Variants in OCA2 observed in about 807,000 individuals in gnomAD.
The protein encoded by OCA2 is OCA2 melanosomal transmembrane protein.
OCA2 carries 77 observed loss-of-function variants against 100.2 expected under a neutral mutation model. The ratio of observed to expected loss-of-function variants is 0.77; its 90% confidence interval spans 0.64 to 0.93. The LOEUF (loss-of-function observed/expected upper bound fraction) is 0.93, where lower values mean the gene tolerates loss of function less well. Among genes scored for constraint, OCA2 ranks in the 40% least tolerant of loss-of-function variants. OCA2 has a pLI of 0.00. For missense variants in OCA2, 1,062 were observed against 1,089.1 expected (o/e 0.98, Z 0.35); for synonymous variants, 432 against 439.2 (o/e 0.98, Z 0.21).
At chr15:27,846,121 G>A (rs2035526548) in intron 22 of OCA2, among the ~76,000 whole-genome samples, 1 of 152,076 alleles carries the variant, frequency 6.6e-6, no homozygotes, top group African/African-American at 2.4e-5. Context: ...GTGTCTGAAA[G>A]GCCTGGAGCA....
chr15:27,901,631 C>T (rs1051015565), intron 19 of OCA2, among the ~76,000 whole-genome samples: 11 of 152,184 alleles, frequency 7.2e-5, no homozygotes, highest in African/African-American at 2.4e-4. Flanking sequence ...CCACCCAATG[C>T]TCAAAGATGT....
At chr15:28,071,690 T>C (rs1213114212) in intron 2 of OCA2, among the ~76,000 whole-genome samples, 3 of 152,186 alleles carry the variant, frequency 2.0e-5, no homozygotes. Flanking sequence ...ATTCAATAAA[T>C]GGTGCTGGGA....
chr15:27,955,031 G>C, intron 17 of OCA2, 127 bp downstream of exon 17: 1 of 792,198 alleles, frequency 1.3e-6, no homozygotes, highest in Non-Finnish European at 2.2e-6. Flanking sequence ...AAACCTCAAC[G>C]TCTTGTGTAT....
intron 23 of OCA2, among the ~76,000 whole-genome samples, chr15:27,772,848 A>T (rs2031967473): frequency 6.6e-6 from 1 of 151,736 alleles, no homozygotes. Context: ...CTCAAAAAAA[A>T]AAAAAAGGAA....
intron 15 of OCA2, among the ~76,000 whole-genome samples, chr15:27,958,338 C>A (rs187509911): frequency 1.3e-4 from 20 of 152,366 alleles, no homozygotes; most frequent in Admixed American, 1.3e-4. Context: ...TTCGGATCTG[C>A]TTCCAGCCAA....
intron 8 of OCA2, among the ~76,000 whole-genome samples, chr15:28,015,373 A>G (rs899605410): frequency 1.3e-5 from 2 of 152,222 alleles, no homozygotes; most frequent in African/African-American, 4.8e-5. Flanking sequence ...CGTTTTTTCA[A>G]GTTCAGGCCA....
chr15:27,930,897 G>C (rs1355637528), intron 18 of OCA2, among the ~76,000 whole-genome samples: 1 of 152,080 alleles, frequency 6.6e-6, no homozygotes, highest in Non-Finnish European at 1.5e-5. Context: ...GACAAGATGT[G>C]CTTAGAACAC....
At chr15:28,052,480 C>T (rs2043547716) in intron 2 of OCA2, among the ~76,000 whole-genome samples, 1 of 152,178 alleles carries the variant, frequency 6.6e-6, no homozygotes, top group South Asian at 2.1e-4. Flanking sequence ...AGGGATCAAC[C>T]TCAGTCTAGC....
At chr15:27,868,905 AAG>A (rs1267309595) in intron 21 of OCA2, among the ~76,000 whole-genome samples, 1 of 152,232 alleles carries the variant, frequency 6.6e-6, no homozygotes, top group Non-Finnish European at 1.5e-5. Flanking sequence ...ATGTGGTGAA[AAG>A]ACACTCAAAG....
intron 9 of OCA2, among the ~76,000 whole-genome samples, chr15:28,014,400 G>A (rs1324260423): frequency 1.3e-5 from 2 of 152,174 alleles, no homozygotes; most frequent in Non-Finnish European, 2.9e-5. Flanking sequence ...CACGGTGCAG[G>A]TGGGCGCAAA....
intron 23 of OCA2, among the ~76,000 whole-genome samples, chr15:27,779,249 A>C (rs767430024): frequency 6.6e-5 from 10 of 152,174 alleles, no homozygotes; most frequent in Non-Finnish European, 1.0e-4. Flanking sequence ...TCCTGGGTTG[A>C]ATGATCTGGA....
intron 23 of OCA2, among the ~76,000 whole-genome samples, chr15:27,786,126 C>T (rs2032804395): frequency 6.6e-6 from 1 of 152,096 alleles, no homozygotes; most frequent in African/African-American, 2.4e-5. Context: ...AATGACTATC[C>T]TTTTCCAATT....
At chr15:28,013,322 C>T (rs1215140018) in intron 9 of OCA2, among the ~76,000 whole-genome samples, 1 of 152,068 alleles carries the variant, frequency 6.6e-6, no homozygotes. Context: ...TAGATGGTGG[C>T]GCAGTAAAGA....
At chr15:28,015,645 C>A (rs1360997550) in intron 8 of OCA2, among the ~76,000 whole-genome samples, 1 of 152,164 alleles carries the variant, frequency 6.6e-6, no homozygotes, top group East Asian at 1.9e-4. Flanking sequence ...CCTGTCGACA[C>A]CTTGACCTCG....
At chr15:28,019,364 C>T (rs112638567) in intron 6 of OCA2, among the ~76,000 whole-genome samples, 2 of 151,864 alleles carry the variant, frequency 1.3e-5, no homozygotes, top group Non-Finnish European at 2.9e-5. Flanking sequence ...GCGCCCTTAA[C>T]TGACCTGGTT....
In OCA2 at chr15:27,755,464, A is replaced by G. The variant is rs2030274566; in HGVS notation, c.2441T>C (p.Phe814Ser). The G allele has an allele frequency of 3.1e-6, 5 of 1,613,242 alleles. No individual in the cohort carries two copies. Among genetic ancestry groups the G allele is most frequent in the Admixed American group, 3.3e-5 (2 of 60,004 alleles). Residue 814 changes from phenylalanine (F) to serine (S), a missense_variant, in exon 24 of 24, where the codon TTC (phenylalanine) becomes TCC (serine). Physicochemically the swap from Phe to Ser is radical, Grantham distance 155. Transcript: ENST00000354638. ...AGTGCAGGACACAACCATCATTGGG[A>G]AGCCCAGCCTGAAATACAAAGAGAA... ...FSFMEFFRLG[F>S]PMMVVSCTVG...
chr15:27,926,542 C>T (rs760914756), intron 18 of OCA2, among the ~76,000 whole-genome samples: 17 of 152,184 alleles, frequency 1.1e-4, no homozygotes, highest in Admixed American at 2.0e-4. Context: ...AACCATTCAT[C>T]TCTTTTCTTT....
At position 27,812,734 on chromosome 15, in the gene OCA2, A is replaced by AGAAACATGTGATGTGAGGATTCCCT. The variant is rs1209999176; in HGVS notation, c.2432+32200_2432+32224dup. ...AGAGAGCCCCCTTTTGCTTAAAGGG[A>AGAAACATGTGATGTGAGGATTCCCT]GAAACATGTGATGTGAGGATTCCCT... On this transcript the variant is annotated intron_variant, in intron 23 of 23. Transcript: ENST00000354638. 2.0e-4 allele frequency among the ~76,000 whole-genome samples: 31 copies of AGAAACATGTGATGTGAGGATTCCCT among 152,172 alleles called. 1 individual carries two copies. Among genetic ancestry groups the AGAAACATGTGATGTGAGGATTCCCT allele is most frequent in the Admixed American group, 2.0e-3 (31 of 15,280 alleles).
At chr15:28,060,136 A>G (rs1464755375) in intron 2 of OCA2, among the ~76,000 whole-genome samples, 1 of 152,212 alleles carries the variant, frequency 6.6e-6, no homozygotes, top group African/African-American at 2.4e-5. Flanking sequence ...GGTCCCTGCC[A>G]GGCTCCTCAG....
Sources: allele counts gnomAD v4.1 joint callset (sites outside exome capture counted in the v4.1 genomes callset), GRCh38; gene constraint gnomAD v4.1.1; transcripts MANE v1.5; gene names NCBI Gene and HGNC (gene_info 2026-07-23, HGNC 2026-07-21).